The following SUSD6 variants were observed in gnomAD, a reference collection of about 807,000 sequenced individuals.
SUSD6 encodes the protein sushi domain containing 6.
A neutral mutation model predicts 28.4 loss-of-function variants in SUSD6; 16 were observed. That is an observed-to-expected ratio of 0.56 (90% CI 0.38 to 0.86). SUSD6 has a LOEUF of 0.86. SUSD6 is among the 40% of genes least tolerant of loss of function. The pLI, the probability that SUSD6 is intolerant of heterozygous loss-of-function variation, is 0.00. For missense variants in SUSD6, 341 were observed against 384.2 expected, an observed-to-expected ratio of 0.89 and a Z score of 0.94; for synonymous variants, 147 against 159.6, an observed-to-expected ratio of 0.92 and a Z score of 0.59.
rs772958682 is a variant in SUSD6 at position 69,708,779 on chromosome 14, CTG to C, written c.566_567del (p.Val189AlafsTer4). On this transcript the variant is annotated frameshift_variant, in exon 5 of 6. Coordinates refer to ENST00000342745, the MANE Select transcript of SUSD6 (RefSeq NM_014734.4). LOFTEE classifies it high-confidence loss of function. Reference protein sequence around the residue: ...EEAVYGSSGHCVPPADPRVQI... With the variant: ...EEAVYGSSGHXVPPADPRVQI... ...AGGCTGTATATGGCAGTTCTGGTCA[CTG>C]TGTGCCACCTGCTGACCCCAGAGTA... 1 of 1,614,194 alleles carries C rather than the reference CTG, an allele frequency of 6.2e-7. No individual in the cohort carries two copies. Among genetic ancestry groups the C allele is most frequent in the Non-Finnish European group, 8.5e-7 (1 of 1,180,038 alleles).
intron 2 of SUSD6, among the ~76,000 whole-genome samples, chr14:69,691,087 T>C (rs2139637092): frequency 6.6e-6 from 1 of 152,294 alleles, no homozygotes; most frequent in South Asian, 2.1e-4. Context: ...TCTGTAATCC[T>C]ACCTAGCACT....
chr14:69,702,343 G>A (rs1394081880), intron 2 of SUSD6, among the ~76,000 whole-genome samples: 8 of 152,078 alleles, frequency 5.3e-5, no homozygotes, highest in East Asian at 1.9e-4. Flanking sequence ...GGTAATACCC[G>A]GCAGTCCACC....
rs149640335 is a variant in SUSD6 at position 69,696,806 on chromosome 14, G to A, written c.122-6589G>A. Reference sequence around the variant, plus strand: ...GTTGAGGTGTGCTATAAGTGTAACCGGAAAGGGGTCCAGATTCAGACCCCA... The same window carrying A: ...GTTGAGGTGTGCTATAAGTGTAACCAGAAAGGGGTCCAGATTCAGACCCCA... On this transcript the variant is annotated intron_variant, in intron 2 of 5. Coordinates refer to ENST00000342745, the MANE Select transcript of SUSD6 (RefSeq NM_014734.4). 7.4e-4 allele frequency among the ~76,000 whole-genome samples: 113 copies of A among 152,308 alleles called. 1 individual carries two copies. In the South Asian group the frequency reaches 0.015, roughly 20 times the overall value.
intron 1 of SUSD6, among the ~76,000 whole-genome samples, chr14:69,628,312 T>G (rs2139595527): frequency 6.6e-6 from 1 of 152,322 alleles, no homozygotes; most frequent in East Asian, 1.9e-4. Flanking sequence ...GGTGGCAAAG[T>G]ACAAAGTGAC....
At chr14:69,658,944 C>G (rs553398276) in intron 2 of SUSD6, among the ~76,000 whole-genome samples, 2 of 152,170 alleles carry the variant, frequency 1.3e-5, no homozygotes, top group East Asian at 1.9e-4. Context: ...ACCCCTCTCC[C>G]CCAGCCATAA....
chr14:69,613,094 G>T (rs1041178265), intron 1 of SUSD6, among the ~76,000 whole-genome samples: 2 of 152,126 alleles, frequency 1.3e-5, no homozygotes, highest in African/African-American at 4.8e-5. Context: ...AGTTGGGGGA[G>T]GTATGTCTAC....
In SUSD6 at chr14:69,658,539, G is replaced by T; in HGVS notation, c.-54G>T. On this transcript the variant is annotated 5_prime_UTR_variant, in exon 2 of 6. Coordinates refer to ENST00000342745, the MANE Select transcript of SUSD6 (RefSeq NM_014734.4). ...TGAATCAGCTCCCGGCCGACTTTAG[G>T]ATTCTTCTGGATTTTAAATTTTTTC... is the stretch of plus-strand genomic sequence containing the variant. 3.7e-6 allele frequency: 6 copies of T among 1,600,918 alleles called. No homozygotes were observed. The South Asian group carries it at 5.5e-5, about 15-fold the overall frequency.
chr14:69,629,041 T>C (rs1885156615), intron 1 of SUSD6, among the ~76,000 whole-genome samples: 1 of 151,620 alleles, frequency 6.6e-6, no homozygotes, highest in African/African-American at 2.4e-5. Flanking sequence ...GTAAAGAATA[T>C]GTGGATTCGA....
At chr14:69,628,719 GTTTTT>G (rs11357371) in intron 1 of SUSD6, among the ~76,000 whole-genome samples, 2 of 120,350 alleles carry the variant, frequency 1.7e-5, no homozygotes, top group Non-Finnish European at 3.5e-5. Flanking sequence ...CCTGTGGTGG[GTTTTT>G]TTTTTTTTTT....
chr14:69,677,153 G>A (rs1327254266), intron 2 of SUSD6, among the ~76,000 whole-genome samples: 1 of 152,234 alleles, frequency 6.6e-6, no homozygotes, highest in Non-Finnish European at 1.5e-5. Flanking sequence ...CAGCACCTGG[G>A]TCAGTCTGTC....
chr14:69,685,532 G>GGGACCCTGGAGGCAGTCCT (rs1427265753), intron 2 of SUSD6, among the ~76,000 whole-genome samples: 32 of 152,312 alleles, frequency 2.1e-4, no homozygotes, highest in Non-Finnish European at 4.1e-4. Context: ...TGCAAACCTT[G>GGGACCCTGGAGGCAGTCCT]GGACCCTGGA....
intron 2 of SUSD6, among the ~76,000 whole-genome samples, chr14:69,661,503 C>T (rs1356875363): frequency 6.6e-6 from 1 of 152,212 alleles, no homozygotes; most frequent in Non-Finnish European, 1.5e-5. Flanking sequence ...CCACCCCAAC[C>T]TCCAAGTCTT....
At chr14:69,695,549 G>A (rs887810662) in intron 2 of SUSD6, among the ~76,000 whole-genome samples, 1 of 152,192 alleles carries the variant, frequency 6.6e-6, no homozygotes, top group African/African-American at 2.4e-5. Flanking sequence ...GCAGTACCCA[G>A]TTTGTCCTTG....
At chr14:69,654,063 C>G (rs926015780) in intron 1 of SUSD6, among the ~76,000 whole-genome samples, 1 of 152,202 alleles carries the variant, frequency 6.6e-6, no homozygotes, top group Non-Finnish European at 1.5e-5. Flanking sequence ...CTGCACCTGT[C>G]CCGTCTTAGG....
intron 2 of SUSD6, among the ~76,000 whole-genome samples, chr14:69,684,726 C>T (rs1886047301): frequency 6.6e-6 from 1 of 152,220 alleles, no homozygotes; most frequent in African/African-American, 2.4e-5. Context: ...TGTTGCCAGG[C>T]CAGGGGGCAG....
intron 1 of SUSD6, among the ~76,000 whole-genome samples, chr14:69,632,667 A>G (rs1274395057): frequency 6.6e-6 from 1 of 151,860 alleles, no homozygotes; most frequent in Non-Finnish European, 1.5e-5. Flanking sequence ...AAAAAAAACA[A>G]AACACTGGGC....
At chr14:69,666,746 A>G (rs1885748001) in intron 2 of SUSD6, among the ~76,000 whole-genome samples, 1 of 152,064 alleles carries the variant, frequency 6.6e-6, no homozygotes, top group Non-Finnish European at 1.5e-5. Context: ...AGAATTGTTT[A>G]GTCATCCAAA....
At chr14:69,683,574 TGA>T (rs1436347395) in intron 2 of SUSD6, among the ~76,000 whole-genome samples, 1 of 152,014 alleles carries the variant, frequency 6.6e-6, no homozygotes, top group African/African-American at 2.4e-5. Context: ...GAGAAATCTC[TGA>T]GAGGGGCCAG....
chr14:69,664,060 G>A (rs1311208633), intron 2 of SUSD6, among the ~76,000 whole-genome samples: 2 of 151,400 alleles, frequency 1.3e-5, no homozygotes, highest in African/African-American at 4.9e-5. Context: ...CTCACTGCAA[G>A]CTCCACCTTC....
Sources: allele counts gnomAD v4.1 joint callset (sites outside exome capture counted in the v4.1 genomes callset), GRCh38; gene constraint gnomAD v4.1.1; transcripts MANE v1.5; gene names NCBI Gene and HGNC (gene_info 2026-07-23, HGNC 2026-07-21).